FHIT: variants seen among roughly 807,000 people sequenced by gnomAD.
The protein encoded by FHIT is bis(5'-adenosyl)-triphosphatase.
FHIT carries 19 observed loss-of-function variants against 17.9 expected under a neutral mutation model. The ratio of observed to expected loss-of-function variants is 1.06; its 90% confidence interval spans 0.74 to 1.56. The LOEUF (loss-of-function observed/expected upper bound fraction) is 1.56, where lower values mean the gene tolerates loss of function less well. Ranked by LOEUF, FHIT falls within the 40% of genes most tolerant of loss-of-function variation. The pLI is 0.00. For synonymous variants in FHIT, 81 were observed against 69.7 expected, an observed-to-expected ratio of 1.16 and a Z score of -0.81; for missense variants, 248 against 189.2, an observed-to-expected ratio of 1.31 and a Z score of -1.82.
intron 7 of FHIT, among the ~76,000 whole-genome samples, chr3:59,948,899 T>C (rs993092672): frequency 6.6e-6 from 1 of 152,178 alleles, no homozygotes; most frequent in Non-Finnish European, 1.5e-5. Context: ...ACTTTTATTT[T>C]AGACTTGGGG....
chr3:60,069,531 G>C (rs191698248), intron 5 of FHIT, among the ~76,000 whole-genome samples: 1 of 152,156 alleles, frequency 6.6e-6, no homozygotes, highest in Admixed American at 6.5e-5. Flanking sequence ...GCCCCTGCTT[G>C]TATAGCGCTT....
chr3:60,911,915 G>T (rs1185563421), intron 3 of FHIT, among the ~76,000 whole-genome samples: 1 of 152,080 alleles, frequency 6.6e-6, no homozygotes, highest in Non-Finnish European at 1.5e-5. Context: ...ATTTATTCTG[G>T]TAAAGACTTT....
intron 3 of FHIT, among the ~76,000 whole-genome samples, chr3:60,977,133 T>A (rs569315298): frequency 3.9e-5 from 6 of 152,324 alleles, no homozygotes; most frequent in Non-Finnish European, 8.8e-5. Context: ...TTCTTTTGTC[T>A]TCTTTCTGCT....
chr3:60,276,866 T>C (rs911586300), intron 5 of FHIT, among the ~76,000 whole-genome samples: 1 of 152,090 alleles, frequency 6.6e-6, no homozygotes, highest in Non-Finnish European at 1.5e-5. Context: ...AGATCTCATG[T>C]GAACTCACAG....
rs866407091 is a variant in FHIT, at chr3:59,855,992, A to T, written c.348+66354T>A. 1.3e-4 allele frequency among the ~76,000 whole-genome samples: 20 copies of T among 152,220 alleles called. No homozygotes were observed. In the South Asian group the frequency reaches 1.9e-3, roughly 14 times the overall value. ...GAGACGTGGTTTCACTGTGTTAGCC[A>T]AGATGGTCTTGATCTCCTGACTTCG... On this transcript the variant is annotated intron_variant, in intron 8 of 9. Coordinates refer to ENST00000492590, the MANE Select transcript of FHIT (RefSeq NM_002012.4).
intron 5 of FHIT, among the ~76,000 whole-genome samples, chr3:60,276,057 G>C (rs1274811426): frequency 6.7e-6 from 1 of 150,114 alleles, no homozygotes; most frequent in Non-Finnish European, 1.5e-5. Context: ...GCATGATCTC[G>C]GCTCACTGCA....
intron 5 of FHIT, among the ~76,000 whole-genome samples, chr3:60,015,848 T>C (rs1559551196): frequency 2.7e-5 from 4 of 148,912 alleles, no homozygotes; most frequent in African/African-American, 1.0e-4. Flanking sequence ...CATCCAAAAA[T>C]GTTTTTTTTC....
At position 60,066,578 on chromosome 3, in the gene FHIT, C is replaced by G. The variant is rs547700022; in HGVS notation, c.104-52426G>C. Among the ~76,000 whole-genome samples the G allele has an allele frequency of 5.4e-5, 8 of 148,656 alleles. No homozygotes were observed. The East Asian group carries it at 1.2e-3, about 22-fold the overall frequency. On this transcript the variant is annotated intron_variant, in intron 5 of 9. Coordinates refer to ENST00000492590, the MANE Select transcript of FHIT (RefSeq NM_002012.4). ...CTTCTGGTCACGTAATCATGGGCCA[C>G]CTTGTACTGTTCACTGACTATTTGT...
At chr3:60,889,227 T>C (rs1553760026) in intron 3 of FHIT, among the ~76,000 whole-genome samples, 3 of 152,156 alleles carry the variant, frequency 2.0e-5, no homozygotes, top group Non-Finnish European at 2.9e-5. Flanking sequence ...GGAATTAGTT[T>C]CGCCTGCGTG....
intron 5 of FHIT, among the ~76,000 whole-genome samples, chr3:60,192,092 A>C (rs992090289): frequency 6.6e-6 from 1 of 151,904 alleles, no homozygotes; most frequent in Non-Finnish European, 1.5e-5. Flanking sequence ...CTCTACCAAA[A>C]ATATAAAAAT....
chr3:60,625,657 G>A (rs1297912008), intron 4 of FHIT, among the ~76,000 whole-genome samples: 3 of 152,068 alleles, frequency 2.0e-5, no homozygotes, highest in African/African-American at 7.2e-5. Context: ...TCAGATATAT[G>A]ATATGTAAGT....
At chr3:60,649,338 C>T (rs1656500964) in intron 4 of FHIT, among the ~76,000 whole-genome samples, 1 of 152,086 alleles carries the variant, frequency 6.6e-6, no homozygotes, top group Non-Finnish European at 1.5e-5. Context: ...GGAGGCAGAG[C>T]TTGCAGCTAG....
chr3:60,085,262 G>A (rs1703447585), intron 5 of FHIT, among the ~76,000 whole-genome samples: 1 of 152,142 alleles, frequency 6.6e-6, no homozygotes, highest in Non-Finnish European at 1.5e-5. Context: ...CAAGCAGAGA[G>A]AAGATTACCA....
At chr3:60,524,129 A>G (rs1178957742) in intron 5 of FHIT, among the ~76,000 whole-genome samples, 1 of 151,934 alleles carries the variant, frequency 6.6e-6, no homozygotes, top group African/African-American at 2.4e-5. Flanking sequence ...CAGGCAGAGG[A>G]GATGCATTCA....
intron 2 of FHIT, among the ~76,000 whole-genome samples, chr3:61,190,100 A>C (rs201560460): frequency 6.9e-3 from 1,025 of 149,384 alleles, no homozygotes; most frequent in East Asian, 0.024. Flanking sequence ...TAATTAAACT[A>C]AAGCACTTCT....
chr3:60,803,107 AAAGTGT>A (rs1367325121), intron 4 of FHIT, among the ~76,000 whole-genome samples: 1 of 152,168 alleles, frequency 6.6e-6, no homozygotes, highest in Non-Finnish European at 1.5e-5. Flanking sequence ...ATCCACCTAG[AAAGTGT>A]AAGAAAACAA....
chr3:60,515,219 G>T (rs370564200), intron 5 of FHIT, among the ~76,000 whole-genome samples: 3 of 152,316 alleles, frequency 2.0e-5, no homozygotes, highest in African/African-American at 7.2e-5. Flanking sequence ...AAAACCAACT[G>T]TAGGCCTGAT....
At chr3:60,722,796 C>T (rs1039462139) in intron 4 of FHIT, among the ~76,000 whole-genome samples, 1 of 148,036 alleles carries the variant, frequency 6.8e-6, no homozygotes, top group Non-Finnish European at 1.5e-5. Flanking sequence ...GATCTCGGCT[C>T]ATTGCCACCT....
At chr3:60,558,108 C>A (rs777379593) in intron 4 of FHIT, among the ~76,000 whole-genome samples, 2 of 152,062 alleles carry the variant, frequency 1.3e-5, no homozygotes, top group Non-Finnish European at 1.5e-5. Flanking sequence ...CACTTGACTG[C>A]TACCTGTGTC....
Sources: gnomAD v4.1 joint callset for allele counts (sites outside exome capture counted in the v4.1 genomes callset) on GRCh38, gnomAD v4.1.1 for gene constraint, MANE v1.5 for transcripts, NCBI Gene and HGNC (gene_info 2026-07-23, HGNC 2026-07-21) for gene names.